R3HDM1: variants seen among roughly 807,000 people sequenced by gnomAD.
R3HDM1 encodes the protein R3H domain-containing protein 1.
Under a neutral mutation model 141.1 loss-of-function variants are expected in R3HDM1, and 46 were observed. That is an observed-to-expected ratio of 0.33 (90% CI 0.26 to 0.42). The LOEUF is 0.42. Ranked by LOEUF, R3HDM1 falls within the 10% of genes least tolerant of loss-of-function variation. The probability of loss-of-function intolerance (pLI) is 1.00; values close to 1 mark genes in which losing one functional copy is unlikely to be tolerated. For missense variants in R3HDM1, 1,184 were observed against 1,368.3 expected (o/e 0.87, Z 2.12); for synonymous variants, 435 against 472.9 (o/e 0.92, Z 1.04).
intron 19 of R3HDM1, among the ~76,000 whole-genome samples, chr2:135,664,545 G>A (rs1375716516): frequency 2.0e-5 from 3 of 152,134 alleles, no homozygotes; most frequent in African/African-American, 7.2e-5. Context: ...GATAGGGTAT[G>A]GGCAGTAGAA....
chr2:135,693,919 A>C (rs1437134745), intron 21 of R3HDM1, among the ~76,000 whole-genome samples: 6 of 152,124 alleles, frequency 3.9e-5, no homozygotes, highest in Admixed American at 3.9e-4. Context: ...ACAGGAGAAT[A>C]GCTTGAACCC....
At chr2:135,699,798 A>AT (rs1390771451) in intron 21 of R3HDM1, among the ~76,000 whole-genome samples, 4 of 152,338 alleles carry the variant, frequency 2.6e-5, no homozygotes, top group Admixed American at 2.6e-4. Context: ...GGTAACAGTG[A>AT]GACTACAAGT....
At chr2:135,631,397 G>A (rs1459471821) in intron 7 of R3HDM1, among the ~76,000 whole-genome samples, 1 of 150,326 alleles carries the variant, frequency 6.7e-6, no homozygotes, top group Admixed American at 6.6e-5. Flanking sequence ...CCTTCGTTGT[G>A]TGTAAGCAAA....
At chr2:135,686,537 A>G (rs1392626273) in intron 21 of R3HDM1, among the ~76,000 whole-genome samples, 1 of 152,112 alleles carries the variant, frequency 6.6e-6, no homozygotes, top group Non-Finnish European at 1.5e-5. Context: ...GGAGTTTGAG[A>G]CCAGCCTGAG....
chr2:135,712,428 A>ATTTTTT (rs34713048), intron 23 of R3HDM1, among the ~76,000 whole-genome samples: 2 of 104,036 alleles, frequency 1.9e-5, no homozygotes, highest in African/African-American at 7.5e-5. Flanking sequence ...TGCCCAACTA[A>ATTTTTT]TTTTTTTTTT....
intron 20 of R3HDM1, among the ~76,000 whole-genome samples, chr2:135,676,800 G>A (rs1164797454): frequency 6.6e-6 from 1 of 152,176 alleles, no homozygotes; most frequent in East Asian, 1.9e-4. Flanking sequence ...GACAAAGAGA[G>A]ACTCAGTCAC....
intron 1 of R3HDM1, chr2:135,597,197 AT>A: frequency 1.0e-6 from 1 of 972,782 alleles, no homozygotes; most frequent in Non-Finnish European, 1.2e-6. Flanking sequence ...TAAAATTATT[AT>A]TTATATTTGT....
At chr2:135,710,356 G>A in intron 23 of R3HDM1, 125 bp downstream of exon 23, 1 of 990,844 alleles carries the variant, frequency 1.0e-6, no homozygotes, top group Non-Finnish European at 1.5e-6. Flanking sequence ...CAGGCGCGGT[G>A]GCTCTCCCCT....
intron 19 of R3HDM1, among the ~76,000 whole-genome samples, chr2:135,670,929 C>T (rs927711192): frequency 1.3e-5 from 2 of 151,570 alleles, no homozygotes; most frequent in South Asian, 2.1e-4. Context: ...TGAGGTGGCG[C>T]GCACCTGCAA....
chr2:135,598,867 T>C (rs2059401855), intron 1 of R3HDM1, among the ~76,000 whole-genome samples: 1 of 152,222 alleles, frequency 6.6e-6, no homozygotes, highest in South Asian at 2.1e-4. Flanking sequence ...AGACCTTCTT[T>C]GCTTTCAACA....
At chr2:135,664,273 A>G (rs1468793798) in intron 19 of R3HDM1, among the ~76,000 whole-genome samples, 1 of 152,188 alleles carries the variant, frequency 6.6e-6, no homozygotes, top group African/African-American at 2.4e-5. Context: ...CTGATTAAAA[A>G]TGAGAAATAC....
intron 1 of R3HDM1, among the ~76,000 whole-genome samples, chr2:135,578,300 C>G (rs781100953): frequency 2.6e-5 from 4 of 152,082 alleles, no homozygotes; most frequent in Non-Finnish European, 4.4e-5. Context: ...AATACAGGCA[C>G]AGATGTCAAC....
chr2:135,622,304 A>C (rs1022518854), intron 6 of R3HDM1: 273 of 984,698 alleles, frequency 2.8e-4, no homozygotes, highest in Non-Finnish European at 3.2e-4. Flanking sequence ...TTAATTATGT[A>C]AATCATTTAA....
intron 1 of R3HDM1, among the ~76,000 whole-genome samples, chr2:135,573,002 A>G (rs963551308): frequency 1.3e-5 from 2 of 152,196 alleles, no homozygotes; most frequent in Non-Finnish European, 2.9e-5. Flanking sequence ...TGGATGGGGA[A>G]TGGAGGAATT....
At chr2:135,681,688 C>T (rs1356713387) in intron 21 of R3HDM1, among the ~76,000 whole-genome samples, 1 of 152,252 alleles carries the variant, frequency 6.6e-6, no homozygotes, top group South Asian at 2.1e-4. Flanking sequence ...GGCCCTCTGA[C>T]GCCAAAAGGT....
In R3HDM1 at chr2:135,657,404, C is replaced by CT. The variant is rs369026748; in HGVS notation, c.2029-3865dup. ...CCAGCCTGGGAGACAGAGCAATACT[C>CT]TGTCTCAAAAAAAAAAAAAAAAGAT... On this transcript the variant is annotated intron_variant, in intron 18 of 26. Coordinates refer to ENST00000683871, the MANE Select transcript of R3HDM1 (RefSeq NM_001378107.1). 7.3e-3 allele frequency among the ~76,000 whole-genome samples: 1,054 copies of CT among 144,082 alleles called. 11 individuals are homozygous for CT. The highest frequency in any genetic ancestry group is 0.026 in the African/African-American group (999 of 38,198). 94.5% of individuals were successfully genotyped at this position (144,082 alleles called of 152,430 possible). A position where few individuals can be genotyped will look rare whatever the true frequency, so the allele number is the denominator to read the frequency against.
At chr2:135,532,500 AAG>A (rs1365866437) in intron 1 of R3HDM1, among the ~76,000 whole-genome samples, 1 of 152,154 alleles carries the variant, frequency 6.6e-6, no homozygotes, top group Non-Finnish European at 1.5e-5. Flanking sequence ...AAAGGTGAAG[AAG>A]AGGTGCTTTC....
intron 1 of R3HDM1, among the ~76,000 whole-genome samples, chr2:135,601,370 G>A (rs892907698): frequency 6.6e-6 from 1 of 152,148 alleles, no homozygotes; most frequent in Admixed American, 6.5e-5. Context: ...CCAAGTGATT[G>A]TATTTCAAAA....
chr2:135,669,714 T>G (rs545717988), intron 19 of R3HDM1: 40 of 371,212 alleles, frequency 1.1e-4, no homozygotes, highest in African/African-American at 7.9e-4. Context: ...TTTTGTTTCC[T>G]CAGCTGAAAA....
Sources: gnomAD v4.1 joint callset for allele counts (sites outside exome capture counted in the v4.1 genomes callset) on GRCh38, gnomAD v4.1.1 for gene constraint, MANE v1.5 for transcripts, NCBI Gene and HGNC (gene_info 2026-07-23, HGNC 2026-07-21) for gene names.